The following CAST variants were observed in gnomAD, a reference collection of about 807,000 sequenced individuals.
CAST encodes the protein MIR583 host.
CAST carries 76 observed loss-of-function variants against 119.6 expected under a neutral mutation model. The ratio of observed to expected loss-of-function variants is 0.64; its 90% CI spans 0.53 to 0.77. CAST has a LOEUF of 0.77. CAST is among the 30% of genes least tolerant of loss of function. The pLI is 0.00. For missense variants in CAST, 953 were observed against 946.5 expected, an observed-to-expected ratio of 1.01 and a Z score of -0.09; for synonymous variants, 319 against 331.6, an observed-to-expected ratio of 0.96 and a Z score of 0.41.
the CAST span, among the ~76,000 whole-genome samples, chr5:96,341,680 C>G: frequency 4.3e-3 from 660 of 151,988 alleles, 16 homozygotes; most frequent in East Asian, 0.049. Context: ...AGTGGAAAAC[C>G]AGTATCCTCT....
the CAST span, among the ~76,000 whole-genome samples, chr5:96,209,809 G>C: frequency 1.3e-5 from 2 of 151,402 alleles, no homozygotes; most frequent in African/African-American, 2.4e-5. Flanking sequence ...GTGTGTCTTG[G>C]GGGTGGTTGT....
chr5:96,577,521 C>T (rs1746693307), intron 1 of CAST, among the ~76,000 whole-genome samples: 1 of 151,796 alleles, frequency 6.6e-6, no homozygotes, highest in Non-Finnish European at 1.5e-5. Context: ...GCATTTAGTG[C>T]CATAAATTTC....
At chr5:96,361,941 T>C in the CAST span, among the ~76,000 whole-genome samples, 4 of 151,806 alleles carry the variant, frequency 2.6e-5, no homozygotes, top group East Asian at 7.8e-4. Flanking sequence ...CCCATTAACT[T>C]GTCATTTACA....
chr5:96,506,778 G>C, the CAST span, among the ~76,000 whole-genome samples: 10 of 152,332 alleles, frequency 6.6e-5, no homozygotes, highest in Middle Eastern at 3.4e-3. Context: ...TAGGAATGCA[G>C]ATACGTCTAA....
In CAST at chr5:96,743,469, C is replaced by G. The variant is rs914322200; in HGVS notation, c.1200+713C>G. The G allele has an allele frequency of 5.9e-6, 6 of 1,009,886 alleles. No homozygotes were observed. In the East Asian group the frequency reaches 1.7e-4, roughly 29 times the overall value. The allele number at this position is 1,009,886 out of a possible 1,614,324, so 62.6% of individuals were successfully genotyped here. ...AAAGGTAGCCTGGGATCCCCAGGAG[C>G]CCGCCCCACCTCCATCAGCTCAGGC... On this transcript the variant is annotated intron_variant, in intron 16 of 31. Transcript: ENST00000675179.
the CAST span, among the ~76,000 whole-genome samples, chr5:96,263,779 G>T: frequency 6.6e-6 from 1 of 152,156 alleles, no homozygotes; most frequent in Non-Finnish European, 1.5e-5. Flanking sequence ...GGCTGGGGAG[G>T]CCTCAGGAAA....
In CAST at chr5:96,727,498, A is replaced by G. The variant is rs769289248; in HGVS notation, c.346A>G (p.Thr116Ala). 5.1e-6 allele frequency: 8 copies of G among 1,556,212 alleles called. No homozygotes were observed. In the Admixed American group the frequency reaches 9.0e-5, roughly 18 times the overall value. The change falls in exon 6 of 32, where the codon ACA (threonine) becomes GCA (alanine). Residue 116 changes from threonine (T) to alanine (A), a missense_variant. Transcript: ENST00000675179. ...TTTTTTCTGAACTTAGGCTGTAAAA[A>G]CAGAACCTGAGAAGAAGTCACAGTC... Reference protein sequence around the residue: ...KKKHKKQAVKTEPEKKSQSTK... With the variant: ...KKKHKKQAVKAEPEKKSQSTK...
chr5:96,231,950 T>C, the CAST span, among the ~76,000 whole-genome samples: 1 of 151,756 alleles, frequency 6.6e-6, no homozygotes, highest in Non-Finnish European at 1.5e-5. Context: ...GATCCTAAGC[T>C]TTTTTTTCTG....
chr5:96,480,675 CAAAG>C, the CAST span, among the ~76,000 whole-genome samples: 1,336 of 152,170 alleles, frequency 8.8e-3, 23 homozygotes, highest in African/African-American at 0.031. Flanking sequence ...ATCCAGAAGA[CAAAG>C]AAAGAGTGGT....
At chr5:96,349,846 G>C in the CAST span, among the ~76,000 whole-genome samples, 1 of 151,760 alleles carries the variant, frequency 6.6e-6, no homozygotes, top group Admixed American at 6.6e-5. Context: ...TTGGAATGGA[G>C]AGAGAGAGAA....
At position 96,604,213 on chromosome 5, in the gene CAST, C is replaced by A. The variant is rs115591531; in HGVS notation, c.61-71326C>A. Among the ~76,000 whole-genome samples the A allele has an allele frequency of 6.9e-3, 1,051 of 152,294 alleles. 11 individuals carry two copies. The highest frequency in any genetic ancestry group is 0.014 in the African/African-American group (585 of 41,556). ...CATATTAATCTTATGAGCCCACCTT[C>A]CTATATGCAGTCCTTGGTTGACCAA... is the stretch of plus-strand genomic sequence containing the variant. On this transcript the variant is annotated intron_variant, in intron 1 of 11. Coordinates refer to the CAST transcript ENST00000505143.
chr5:96,586,285 T>C (rs545507040), intron 1 of CAST, among the ~76,000 whole-genome samples: 1 of 152,298 alleles, frequency 6.6e-6, no homozygotes, highest in Admixed American at 6.5e-5. Flanking sequence ...TAGAAATATG[T>C]TTTTGTATTT....
the CAST span, among the ~76,000 whole-genome samples, chr5:96,165,065 T>C: frequency 2.0e-5 from 3 of 152,154 alleles, no homozygotes; most frequent in African/African-American, 4.8e-5. Flanking sequence ...TTTGAGAAGA[T>C]TAGAAGTGGC....
intron 1 of CAST, among the ~76,000 whole-genome samples, chr5:96,605,615 A>G (rs1462178061): frequency 6.6e-6 from 1 of 152,258 alleles, no homozygotes; most frequent in Admixed American, 6.5e-5. Flanking sequence ...CCAGGGTAGA[A>G]GAAGAAATAA....
At chr5:96,069,450 G>T in the CAST span, among the ~76,000 whole-genome samples, 1 of 151,066 alleles carries the variant, frequency 6.6e-6, no homozygotes, top group Non-Finnish European at 1.5e-5. Context: ...TGCCCCAATA[G>T]TGTGTGTGTA....
chr5:96,078,950 G>A, the CAST span, among the ~76,000 whole-genome samples: 3 of 152,248 alleles, frequency 2.0e-5, no homozygotes, highest in East Asian at 5.8e-4. Flanking sequence ...TGCTGGGTGG[G>A]AGGCAGGAGA....
chr5:96,490,696 T>C, the CAST span, among the ~76,000 whole-genome samples: 1 of 152,016 alleles, frequency 6.6e-6, no homozygotes, highest in Non-Finnish European at 1.5e-5. Context: ...CATACCTATA[T>C]AGGAAAAACA....
the CAST span, among the ~76,000 whole-genome samples, chr5:96,455,198 T>A: frequency 6.6e-6 from 1 of 152,204 alleles, no homozygotes; most frequent in Non-Finnish European, 1.5e-5. Context: ...CTAGCCTGCA[T>A]CTCCTCTTGG....
intron 24 of CAST, chr5:96,761,638 A>C (rs1767994281): frequency 6.6e-6 from 1 of 152,242 alleles, no homozygotes; most frequent in Non-Finnish European, 1.5e-5. Context: ...TTTTTTGTCA[A>C]AAGGGAGTAT....
Sources: allele counts gnomAD v4.1 joint callset (sites outside exome capture counted in the v4.1 genomes callset), GRCh38; gene constraint gnomAD v4.1.1; transcripts MANE v1.5; gene names NCBI Gene and HGNC (gene_info 2026-07-23, HGNC 2026-07-21).